RNPC3: variants seen among roughly 807,000 people sequenced by gnomAD.
RNPC3 encodes the protein RNA-binding region-containing protein 3.
Under a neutral mutation model 67.5 loss-of-function variants are expected in RNPC3, and 48 were observed. That is an observed-to-expected ratio of 0.71 (90% CI 0.56 to 0.90). The LOEUF (loss-of-function observed/expected upper bound fraction) is 0.90, where lower values mean the gene tolerates loss of function less well. Among genes scored for constraint, RNPC3 ranks in the 40% least tolerant of loss-of-function variants. RNPC3 has a pLI of 0.00. For missense variants in RNPC3, 637 were observed against 626.1 expected (o/e 1.02, Z -0.19); for synonymous variants, 239 against 210.3 (o/e 1.14, Z -1.18).
chr1:103,551,847 A>T (rs541798867), intron 14 of RNPC3, 55 bp downstream of exon 14: 1 of 989,318 alleles, frequency 1.0e-6, no homozygotes, highest in African/African-American at 1.7e-5. Flanking sequence ...AGATAAAATT[A>T]AGAATAAAAG....
chr1:103,536,058 A>G (rs1650978151), intron 5 of RNPC3, 68 bp from the exon 6 acceptor site: 1 of 1,166,740 alleles, frequency 8.6e-7, no homozygotes, highest in South Asian at 1.3e-5. Context: ...AAAGTTTCTT[A>G]GTACATAAAA....
chr1:103,547,388 C>T (rs1570625535), intron 12 of RNPC3, among the ~76,000 whole-genome samples: 1 of 152,204 alleles, frequency 6.6e-6, no homozygotes, highest in East Asian at 1.9e-4. Context: ...TGATGGATTC[C>T]GACCGTAATC....
rs1557761936 is a variant in RNPC3 at position 103,551,009 on chromosome 1, A to C, written c.1430A>C (p.Lys477Thr). Residue 477 changes from lysine to threonine, a missense_variant, in exon 13 of 15, where the codon AAA (lysine) becomes ACA (threonine). Physicochemically the swap from Lys to Thr is moderately conservative, Grantham distance 78. This residue lies in a region of RNPC3 where 96 missense variants were observed against 105.8 expected (regional missense o/e 0.91). Transcript: ENST00000423855. ...GQAFIGLPNE[K>T]AAAKALKEAN... ...GCTTTCATTGGACTTCCTAATGAAA[A>C]AGCAGCAGCAAAAGCCTTAAAGGAA... is the stretch of plus-strand genomic sequence containing the variant. 1 of 1,612,300 alleles carries C rather than the reference A, an allele frequency of 6.2e-7. No homozygotes were observed. Among genetic ancestry groups the C allele is most frequent in the East Asian group, 2.2e-5 (1 of 44,792 alleles).
At chr1:103,545,307 T>C in intron 10 of RNPC3, 1 of 409,474 alleles carries the variant, frequency 2.4e-6, no homozygotes, top group South Asian at 3.4e-5. Context: ...CCATACAGTG[T>C]TTCCAGTCTA....
At chr1:103,550,844 A>C (rs1651370415) in intron 12 of RNPC3, 97 bp from the exon 13 acceptor site, 1 of 1,215,068 alleles carries the variant, frequency 8.2e-7, no homozygotes. Flanking sequence ...TAGTGTAGTC[A>C]CTTTTATTTG....
chr1:103,552,278 C>T (rs945245066), intron 14 of RNPC3: 2 of 151,978 alleles, frequency 1.3e-5, no homozygotes, highest in Admixed American at 6.6e-5. Flanking sequence ...CAAGACAGGT[C>T]GGTCACCCTT....
intron 9 of RNPC3, among the ~76,000 whole-genome samples, chr1:103,544,150 G>A (rs1222924093): frequency 1.3e-5 from 2 of 151,686 alleles, no homozygotes; most frequent in Non-Finnish European, 3.0e-5. Context: ...AATTTGGTAT[G>A]TGTATATACA....
intron 12 of RNPC3, 22 bp from the exon 13 acceptor site, chr1:103,550,919 C>A: frequency 6.2e-7 from 1 of 1,606,026 alleles, no homozygotes; most frequent in South Asian, 1.1e-5. Flanking sequence ...TTCTTTGAAT[C>A]AAAACTGTTT....
chr1:103,538,841 T>C (rs931106397), intron 7 of RNPC3, among the ~76,000 whole-genome samples: 1 of 152,242 alleles, frequency 6.6e-6, no homozygotes, highest in African/African-American at 2.4e-5. Flanking sequence ...CTTGACAATC[T>C]ATGCATTTTA....
chr1:103,533,890 A>G (rs1048587379), intron 3 of RNPC3, 33 bp downstream of exon 3: 71 of 1,107,610 alleles, frequency 6.4e-5, no homozygotes, highest in Non-Finnish European at 8.9e-5. Context: ...CATTTTTGTT[A>G]CATTTTTAAA....
chr1:103,535,281 ATATGAAAT>A (rs1650952891), intron 4 of RNPC3, 41 bp from the exon 5 acceptor site: 2 of 1,205,394 alleles, frequency 1.7e-6, no homozygotes, highest in Non-Finnish European at 2.4e-6. Context: ...TGAGTTACTG[ATATGAAAT>A]TATGAAAACA....
intron 14 of RNPC3, chr1:103,553,561 A>T (rs2101055649): frequency 6.6e-6 from 1 of 152,304 alleles, no homozygotes; most frequent in Admixed American, 6.5e-5. Context: ...GAATCAGGTC[A>T]ACTTACTTAG....
intron 12 of RNPC3, among the ~76,000 whole-genome samples, chr1:103,548,108 A>C (rs907485204): frequency 1.3e-5 from 2 of 152,090 alleles, no homozygotes; most frequent in Non-Finnish European, 2.9e-5. Flanking sequence ...CGGCCCACAA[A>C]ATCACTTTTT....
chr1:103,542,574 C>T (rs1328176904), intron 8 of RNPC3, among the ~76,000 whole-genome samples: 1 of 151,840 alleles, frequency 6.6e-6, no homozygotes, highest in Non-Finnish European at 1.5e-5. Flanking sequence ...CGTAGTTATC[C>T]AAGAATGTTA....
In RNPC3 at chr1:103,545,003, A is replaced by G; in HGVS notation, c.1108A>G (p.Asn370Asp). ...IGFGKIFPKP[N>D]LDITEEIKED... Reference sequence around the variant, plus strand: ...ATTTGGAAAAATCTTCCCCAAACCTAATTTGGACATCACAGAGGAGATTAA... The same window carrying G: ...ATTTGGAAAAATCTTCCCCAAACCTGATTTGGACATCACAGAGGAGATTAA... Residue 370 changes from asparagine to aspartate, a missense_variant, in exon 10 of 15, where the codon AAT becomes GAT. By Grantham distance (23) the Asn-to-Asp change is conservative. This residue lies in a region of RNPC3 where 536 missense variants were observed against 500.3 expected (regional missense o/e 1.07). Coordinates refer to ENST00000423855, the MANE Select transcript of RNPC3 (RefSeq NM_017619.4). 1 of 1,533,882 alleles carries G rather than the reference A, an allele frequency of 6.5e-7. No individual in the cohort carries two copies. The highest frequency in any genetic ancestry group is 2.5e-5 in the East Asian group (1 of 40,672).
intron 10 of RNPC3, 87 bp from the exon 11 acceptor site, chr1:103,546,161 A>G: frequency 1.8e-6 from 1 of 548,202 alleles, no homozygotes; most frequent in Non-Finnish European, 2.9e-6. Flanking sequence ...TGTCTATTTA[A>G]CAATTAGGTT....
chr1:103,547,480 C>T (rs1367880349), intron 12 of RNPC3, among the ~76,000 whole-genome samples: 1 of 152,092 alleles, frequency 6.6e-6, no homozygotes, highest in African/African-American at 2.4e-5. Context: ...TTTCTGGGCC[C>T]ACCTGCAGAG....
intron 12 of RNPC3, among the ~76,000 whole-genome samples, chr1:103,547,377 G>C (rs966902879): frequency 2.0e-5 from 3 of 152,172 alleles, no homozygotes; most frequent in African/African-American, 7.2e-5. Flanking sequence ...AAACAGGTCG[G>C]TGATGGATTC....
At chr1:103,532,414 T>C (rs1222298981) in intron 2 of RNPC3, among the ~76,000 whole-genome samples, 13 of 152,092 alleles carry the variant, frequency 8.5e-5, no homozygotes. Context: ...AAGTGAAATG[T>C]TGAATTTGAA....
Sources: allele counts gnomAD v4.1 joint callset (sites outside exome capture counted in the v4.1 genomes callset), GRCh38; gene constraint gnomAD v4.1.1; regional missense constraint gnomAD v4.1.1; transcripts MANE v1.5; gene names NCBI Gene and HGNC (gene_info 2026-07-23, HGNC 2026-07-21).